The following HORMAD2 variants were observed in gnomAD, a reference collection of about 807,000 sequenced individuals.
HORMAD2 encodes HORMA domain-containing protein 2.
In HORMAD2, 45 loss-of-function variants were observed where a neutral mutation model predicts 38.8. The ratio of observed to expected loss-of-function variants is 1.16; its 90% CI spans 0.91 to 1.49. The LOEUF (loss-of-function observed/expected upper bound fraction) is 1.49. Among genes scored for constraint, HORMAD2 ranks in the 40% most tolerant of loss-of-function variants. The pLI is 0.00. For missense variants in HORMAD2, 338 were observed against 367.0 expected (o/e 0.92, Z 0.65); for synonymous variants, 126 against 122.8 (o/e 1.03, Z -0.17).
At chr22:30,189,806 C>T in the HORMAD2 span, among the ~76,000 whole-genome samples, 3 of 152,236 alleles carry the variant, frequency 2.0e-5, no homozygotes, top group African/African-American at 7.2e-5. Flanking sequence ...GTCTTCAGGG[C>T]TCCTCTCCTG....
At chr22:30,105,663 G>A (rs1569088857) in intron 5 of HORMAD2, among the ~76,000 whole-genome samples, 1 of 152,190 alleles carries the variant, frequency 6.6e-6, no homozygotes, top group Non-Finnish European at 1.5e-5. Flanking sequence ...AACAGAAGTG[G>A]GAAAGAGCTT....
intron 7 of HORMAD2, among the ~76,000 whole-genome samples, chr22:30,117,073 T>A (rs1358893305): frequency 6.6e-6 from 1 of 152,262 alleles, no homozygotes; most frequent in Non-Finnish European, 1.5e-5. Flanking sequence ...CAGAAAATAC[T>A]TTTATCTTTT....
At chr22:30,166,509 C>T (rs536125196) in intron 10 of HORMAD2, among the ~76,000 whole-genome samples, 31 of 152,236 alleles carry the variant, frequency 2.0e-4, no homozygotes, top group East Asian at 3.9e-4. Context: ...TTAGACAGTA[C>T]GGCTTTTGAA....
chr22:30,127,987 C>G (rs1475071098), intron 10 of HORMAD2, among the ~76,000 whole-genome samples: 1 of 152,180 alleles, frequency 6.6e-6, no homozygotes, highest in Admixed American at 6.5e-5. Context: ...TCATTGCTTT[C>G]TTGGTGATAG....
chr22:30,173,268 G>A (rs781274802), intron 10 of HORMAD2, among the ~76,000 whole-genome samples: 6 of 152,206 alleles, frequency 3.9e-5, no homozygotes, highest in Non-Finnish European at 5.9e-5. Flanking sequence ...GCAGAAGAGC[G>A]ATGTGTCAGA....
At chr22:30,108,858 C>G (rs1777323440) in intron 5 of HORMAD2, among the ~76,000 whole-genome samples, 2 of 152,044 alleles carry the variant, frequency 1.3e-5, no homozygotes, top group Admixed American at 1.3e-4. Context: ...AGTTTTAGTC[C>G]TTTGATATGA....
At chr22:30,175,306 T>TATA (rs1555957042) in intron 10 of HORMAD2, among the ~76,000 whole-genome samples, 14 of 134,832 alleles carry the variant, frequency 1.0e-4, no homozygotes, top group African/African-American at 4.0e-4. Context: ...TATAATAATA[T>TATA]ATATAATATA....
the HORMAD2 span, among the ~76,000 whole-genome samples, chr22:30,184,328 G>A: frequency 1.6e-4 from 24 of 152,192 alleles, no homozygotes; most frequent in Non-Finnish European, 3.4e-4. Context: ...TCATAATGGA[G>A]ACAAGTTTCC....
chr22:30,161,928 ATATT>A (rs1925465707), intron 10 of HORMAD2, among the ~76,000 whole-genome samples: 1 of 152,214 alleles, frequency 6.6e-6, no homozygotes, highest in African/African-American at 2.4e-5. Context: ...AAGTTTAATT[ATATT>A]TAATACAATT....
chr22:30,195,240 TCTTTA>T, the HORMAD2 span, among the ~76,000 whole-genome samples: 144 of 151,664 alleles, frequency 9.5e-4, 1 homozygote, highest in Non-Finnish European at 1.7e-3. Flanking sequence ...ACATTGATTT[TCTTTA>T]CTTTATTTTT....
At chr22:30,104,083 TA>T (rs1921009739) in intron 4 of HORMAD2, among the ~76,000 whole-genome samples, 1 of 152,180 alleles carries the variant, frequency 6.6e-6, no homozygotes, top group Non-Finnish European at 1.5e-5. Flanking sequence ...AAAACTGTGA[TA>T]AAATATTAAA....
chr22:30,113,240 CT>C lies in HORMAD2; in HGVS notation c.342+727del, dbSNP rs940514748. Among the ~76,000 whole-genome samples, 191 of 150,952 alleles carry C rather than the reference CT, an allele frequency of 1.3e-3. 1 individual carries two copies. The highest frequency in any genetic ancestry group is 1.5e-4 in the Non-Finnish European group (10 of 67,636). ...CTCCTCAACCAGATTGTGAATTCTTCTTTTTTTTTCTTTTTTCTTTTTTTAG... is the reference window on the plus strand; with the variant it reads ...CTCCTCAACCAGATTGTGAATTCTTCTTTTTTTTCTTTTTTCTTTTTTTAG... On this transcript the variant is annotated intron_variant, in intron 7 of 10. Coordinates refer to ENST00000336726, the MANE Select transcript of HORMAD2 (RefSeq NM_152510.4).
intron 10 of HORMAD2, among the ~76,000 whole-genome samples, chr22:30,134,308 A>T (rs1449819548): frequency 6.6e-6 from 1 of 151,352 alleles, no homozygotes; most frequent in African/African-American, 2.4e-5. Flanking sequence ...CTGAGGCAGG[A>T]AAATCACTTG....
At chr22:30,163,054 C>G (rs186178028) in intron 10 of HORMAD2, among the ~76,000 whole-genome samples, 47 of 152,168 alleles carry the variant, frequency 3.1e-4, no homozygotes, top group African/African-American at 1.1e-3. Flanking sequence ...TTTTTTTAAA[C>G]TTACTTTTTT....
intron 2 of HORMAD2, among the ~76,000 whole-genome samples, chr22:30,096,057 T>A (rs2068776036): frequency 6.6e-6 from 1 of 152,228 alleles, no homozygotes; most frequent in Admixed American, 6.5e-5. Context: ...CATTTGTATC[T>A]GGTTTCTTTT....
chr22:30,195,497 C>A, the HORMAD2 span, among the ~76,000 whole-genome samples: 1 of 152,182 alleles, frequency 6.6e-6, no homozygotes, highest in East Asian at 1.9e-4. Context: ...GCAGGGCAGG[C>A]TCTTTGACTG....
intron 10 of HORMAD2, among the ~76,000 whole-genome samples, chr22:30,132,544 A>G (rs1490061988): frequency 1.3e-5 from 2 of 151,876 alleles, no homozygotes; most frequent in Admixed American, 1.3e-4. Flanking sequence ...CGTCTCAAAA[A>G]AAAAAAAACA....
chr22:30,095,522 C>T (rs575205445), intron 2 of HORMAD2, among the ~76,000 whole-genome samples: 84 of 152,230 alleles, frequency 5.5e-4, no homozygotes, highest in Middle Eastern at 6.8e-3. Flanking sequence ...ATCTGCACTC[C>T]GCCTTCAAAG....
intron 10 of HORMAD2, among the ~76,000 whole-genome samples, chr22:30,162,641 A>G (rs1416262796): frequency 6.7e-6 from 1 of 149,228 alleles, no homozygotes; most frequent in Admixed American, 6.7e-5. Flanking sequence ...CTTGCATTCT[A>G]TTTCTATTAG....
Sources: gnomAD v4.1 joint callset for allele counts (sites outside exome capture counted in the v4.1 genomes callset) on GRCh38, gnomAD v4.1.1 for gene constraint, MANE v1.5 for transcripts, NCBI Gene and HGNC (gene_info 2026-07-23, HGNC 2026-07-21) for gene names.